Variants in ING5 observed in about 807,000 individuals in gnomAD.
ING5 encodes the protein inhibitor of growth family member 5, also known as inhibitor of growth protein 5.
Under a neutral mutation model 37.4 loss-of-function variants are expected in ING5, and 17 were observed. That is an observed-to-expected ratio of 0.45 (90% CI 0.31 to 0.68). ING5 has a LOEUF of 0.68. Among genes scored for constraint, ING5 ranks in the 30% least tolerant of loss-of-function variants. The pLI is 0.05. For missense variants in ING5, 233 were observed against 311.9 expected (o/e 0.75, Z 1.91); for synonymous variants, 123 against 116.6 (o/e 1.06, Z -0.36).
upstream of ING5, among the ~76,000 whole-genome samples, chr2:241,697,763 CATT>C (rs937221615): frequency 2.6e-5 from 4 of 152,208 alleles, no homozygotes; most frequent in African/African-American, 9.6e-5. Flanking sequence ...GGGTAGCTGA[CATT>C]ATACATTTGT....
chr2:241,714,539 A>G (rs985410965), intron 5 of ING5, among the ~76,000 whole-genome samples: 2 of 150,816 alleles, frequency 1.3e-5, no homozygotes, highest in African/African-American at 4.9e-5. Flanking sequence ...GTCTGTTATG[A>G]TGACCCCTCT....
intron 5 of ING5, chr2:241,720,315 G>C (rs1309251976): frequency 8.2e-7 from 1 of 1,220,962 alleles, no homozygotes; most frequent in Admixed American, 4.3e-5. Context: ...GTGCCAGGCC[G>C]CTCTGCCTCA....
At chr2:241,721,978 G>GA in intron 5 of ING5, 2 of 985,370 alleles carry the variant, frequency 2.0e-6, no homozygotes, top group South Asian at 4.7e-5. Context: ...GAGTGACAAG[G>GA]ATGGTGTGTG....
rs1425540708 is a variant in ING5 at position 241,725,045 on chromosome 2, C to T, written c.*14C>T. On this transcript the variant is annotated 3_prime_UTR_variant, in exon 8 of 8. Coordinates refer to ENST00000313552, the MANE Select transcript of ING5 (RefSeq NM_032329.6). ...AAGAAGAAGTAGGAGGAGCTGTGTG[C>T]CCGGATCCGAGGAGCAAGTTAATCT... The T allele has an allele frequency of 3.1e-6, 5 of 1,613,298 alleles. No individual in the cohort carries two copies. In the Admixed American group the frequency reaches 6.7e-5, roughly 22 times the overall value.
chr2:241,705,699 C>A (rs1206491099), intron 2 of ING5, among the ~76,000 whole-genome samples: 4 of 152,222 alleles, frequency 2.6e-5, no homozygotes. Context: ...AGCCACCGCG[C>A]CCGGCCCTTA....
At chr2:241,721,951 A>C in intron 5 of ING5, 2 of 985,752 alleles carry the variant, frequency 2.0e-6, no homozygotes, top group Non-Finnish European at 2.4e-6. Flanking sequence ...CCCACGTGGG[A>C]GCTGATGGGG....
intron 2 of ING5, among the ~76,000 whole-genome samples, chr2:241,706,533 G>A (rs926578856): frequency 1.3e-5 from 2 of 150,398 alleles, no homozygotes; most frequent in Non-Finnish European, 2.9e-5. Flanking sequence ...GGAGGCTGAG[G>A]CAGGAGAATC....
At chr2:241,688,640 T>C (rs994569740) in intron 1 of ING5, among the ~76,000 whole-genome samples, 3 of 152,190 alleles carry the variant, frequency 2.0e-5, no homozygotes, top group African/African-American at 7.2e-5. Context: ...TTTATTTTAT[T>C]TGAGACGGAG....
rs1192381163 is a variant in ING5, at chr2:241,709,325, C to A, written c.219C>A (p.Ser73Arg). The A allele has an allele frequency of 3.7e-6, 6 of 1,613,988 alleles. No homozygotes were observed. Among genetic ancestry groups the A allele is most frequent in the South Asian group, 1.1e-5 (1 of 91,084 alleles). ...ERLQKIQNAY[S>R]KCKEYSDDKV... ...TGCAGAAGATCCAGAACGCCTACAG[C>A]AAGTGCAAGGAATACAGTGACGACA... Residue 73 changes from serine (S) to arginine (R), a missense_variant, in exon 3 of 8, where the codon AGC becomes AGA. By Grantham distance (110) the Ser-to-Arg change is moderately radical. Coordinates refer to ENST00000313552, the MANE Select transcript of ING5 (RefSeq NM_032329.6).
At chr2:241,698,956 G>C (rs1186295785), upstream of ING5, among the ~76,000 whole-genome samples, 1 of 151,618 alleles carries the variant, frequency 6.6e-6, no homozygotes, top group Non-Finnish European at 1.5e-5. Flanking sequence ...TCGAACTCCC[G>C]ACCTCAGGTG....
chr2:241,723,376 C>A (rs899766643), intron 7 of ING5, 105 bp downstream of exon 7: 9 of 1,262,580 alleles, frequency 7.1e-6, no homozygotes, highest in African/African-American at 2.9e-5. Context: ...CCGGGCTTAG[C>A]GGGACACGGT....
intron 2 of ING5, among the ~76,000 whole-genome samples, chr2:241,708,508 A>G (rs999950620): frequency 6.6e-6 from 1 of 152,162 alleles, no homozygotes; most frequent in Non-Finnish European, 1.5e-5. Context: ...CGCCTGGCCT[A>G]GTTTTCTTAC....
In ING5 at chr2:241,711,471, G is replaced by A. The variant is rs2124913883; in HGVS notation, c.371G>A (p.Gly124Glu). Residue 124 changes from glycine to glutamate, a missense_variant, in exon 4 of 8, where the codon GGA (glycine) becomes GAA (glutamate). Transcript: ENST00000313552. ...KMEGSDFESS[G>E]GRGLKKGRGQ... ...GAGGGCAGTGATTTTGAAAGCTCCG[G>A]AGGGCGAGGGTTAAAAAGCAAGTCT... is the stretch of plus-strand genomic sequence containing the variant. 1 of 1,604,154 alleles carries A rather than the reference G, an allele frequency of 6.2e-7. No homozygotes were observed. The highest frequency in any genetic ancestry group is 8.5e-7 in the Non-Finnish European group (1 of 1,176,302).
intron 2 of ING5, among the ~76,000 whole-genome samples, chr2:241,706,863 A>ATT (rs560352712): frequency 2.1e-4 from 29 of 134,964 alleles, no homozygotes; most frequent in African/African-American, 7.2e-4. Context: ...TGTGTGATCT[A>ATT]TTTTTTTTTT....
chr2:241,702,871 G>C (rs1364236047), intron 1 of ING5, among the ~76,000 whole-genome samples: 1 of 152,256 alleles, frequency 6.6e-6, no homozygotes, highest in African/African-American at 2.4e-5. Context: ...GATGGGCACA[G>C]CTTTGGGGTC....
At position 241,712,016 on chromosome 2, in the gene ING5, C is replaced by T. The variant is rs758519998; in HGVS notation, c.427C>T (p.Arg143Ter). ...GAAAGAAAAAAGAGGGTCCCGGGGC[C>T]GAGGCAGGAGGACATCAGAGGAAGA... is the stretch of plus-strand genomic sequence containing the variant. ...GQKEKRGSRGRGRRTSEEDTP... is the reference protein window; with the variant it reads ...GQKEKRGSRG Residue 143 changes from arginine to a stop codon, truncating the protein, a stop_gained, in exon 5 of 8, where the codon CGA becomes TGA. Coordinates refer to ENST00000313552, the MANE Select transcript of ING5 (RefSeq NM_032329.6). LOFTEE classifies it high-confidence loss of function. 11 of 1,611,814 alleles carry T rather than the reference C, an allele frequency of 6.8e-6. No homozygotes were observed. Among genetic ancestry groups the T allele is most frequent in the African/African-American group, 1.3e-5 (1 of 74,670 alleles).
chr2:241,714,531 CTGTT>C (rs1471671819), intron 5 of ING5, among the ~76,000 whole-genome samples: 2 of 150,578 alleles, frequency 1.3e-5, no homozygotes, highest in African/African-American at 4.9e-5. Flanking sequence ...TCTGATGTGT[CTGTT>C]ATGATGACCC....
At chr2:241,720,056 A>G (rs2070391008) in intron 5 of ING5, 4 of 1,241,694 alleles carry the variant, frequency 3.2e-6, no homozygotes, top group South Asian at 7.9e-5. Flanking sequence ...CTGACGTCCA[A>G]GGCGCCAAGG....
At chr2:241,723,354 G>A (rs2070475586) in intron 7 of ING5, 83 bp downstream of exon 7, 1 of 1,423,100 alleles carries the variant, frequency 7.0e-7, no homozygotes, top group Non-Finnish European at 9.9e-7. Flanking sequence ...GGTGCTCCAT[G>A]GCAGAATCTT....
Sources: allele counts gnomAD v4.1 joint callset (sites outside exome capture counted in the v4.1 genomes callset), GRCh38; gene constraint gnomAD v4.1.1; transcripts MANE v1.5; gene names NCBI Gene and HGNC (gene_info 2026-07-23, HGNC 2026-07-21).